The following MAGI1 variants were observed in gnomAD, a reference collection of about 807,000 sequenced individuals.
MAGI1 encodes the protein membrane associated guanylate kinase, WW and PDZ domain containing 1.
Under a neutral mutation model 139.9 loss-of-function variants are expected in MAGI1, and 58 were observed. The observed-to-expected ratio is 0.41, with a 90% confidence interval of 0.34 to 0.52. The LOEUF (loss-of-function observed/expected upper bound fraction) is 0.52. MAGI1 is among the 20% of genes least tolerant of loss of function. The pLI is 0.12. For synonymous variants in MAGI1, 812 were observed against 737.9 expected, an observed-to-expected ratio of 1.10 and a Z score of -1.63; for missense variants, 1,874 against 1,901.6, an observed-to-expected ratio of 0.99 and a Z score of 0.27.
intron 1 of MAGI1, among the ~76,000 whole-genome samples, chr3:65,765,356 C>A (rs1289139519): frequency 6.6e-6 from 1 of 152,162 alleles, no homozygotes; most frequent in African/African-American, 2.4e-5. Flanking sequence ...TAAGGCCAAG[C>A]ATTTGGTTGT....
chr3:65,890,238 G>T (rs1032106353), intron 1 of MAGI1, among the ~76,000 whole-genome samples: 1 of 152,084 alleles, frequency 6.6e-6, no homozygotes, highest in Non-Finnish European at 1.5e-5. Context: ...GGTGGCGGGC[G>T]CCTGCAGTCC....
In MAGI1 at chr3:65,808,530, A is replaced by C. The variant is rs1044157913; in HGVS notation, c.314-186442T>G. Among the ~76,000 whole-genome samples the C allele has an allele frequency of 2.0e-5, 3 of 152,144 alleles. No homozygotes were observed. In the South Asian group the frequency reaches 6.2e-4, roughly 32 times the overall value. Reference sequence around the variant, plus strand: ...CAAATAAATAAAATAAAAGTAAATAAATAAAATGAAACTGGTCTGACTGCT... The same window carrying C: ...CAAATAAATAAAATAAAAGTAAATACATAAAATGAAACTGGTCTGACTGCT... On this transcript the variant is annotated intron_variant, in intron 1 of 22. Transcript: ENST00000402939.
intron 8 of MAGI1, among the ~76,000 whole-genome samples, chr3:65,441,474 C>T (rs1948322316): frequency 6.6e-6 from 1 of 152,038 alleles, no homozygotes; most frequent in African/African-American, 2.4e-5. Context: ...AAATGGTCTA[C>T]CATTAACAGG....
intron 1 of MAGI1, among the ~76,000 whole-genome samples, chr3:65,664,942 T>A (rs567496133): frequency 6.6e-6 from 1 of 152,340 alleles, no homozygotes; most frequent in South Asian, 2.1e-4. Flanking sequence ...ATATGGCCTA[T>A]ATTTTTGCTT....
At chr3:65,932,512 T>C (rs2062851080) in intron 1 of MAGI1, among the ~76,000 whole-genome samples, 1 of 152,172 alleles carries the variant, frequency 6.6e-6, no homozygotes, top group African/African-American at 2.4e-5. Context: ...CGAACATATA[T>C]ATACCATCAA....
chr3:65,785,247 A>G (rs1318647061), intron 1 of MAGI1, among the ~76,000 whole-genome samples: 5 of 152,204 alleles, frequency 3.3e-5, no homozygotes, highest in Non-Finnish European at 7.3e-5. Flanking sequence ...AGAAGCATAT[A>G]TAACCACAAG....
At chr3:65,921,391 C>G (rs1287710289) in intron 1 of MAGI1, among the ~76,000 whole-genome samples, 1 of 151,478 alleles carries the variant, frequency 6.6e-6, no homozygotes, top group Non-Finnish European at 1.5e-5. Flanking sequence ...TTACTGCAAT[C>G]TCTGTGTCCC....
At chr3:65,425,450 T>C (rs549118907) in intron 12 of MAGI1, among the ~76,000 whole-genome samples, 1 of 152,252 alleles carries the variant, frequency 6.6e-6, no homozygotes, top group Admixed American at 6.5e-5. Context: ...TATACAACAA[T>C]AAGGTCATCC....
intron 1 of MAGI1, among the ~76,000 whole-genome samples, chr3:65,950,123 A>G: frequency 3.4e-5 from 1 of 29,282 alleles, no homozygotes; most frequent in South Asian, 2.8e-3. Context: ...TAGCAATATT[A>G]CTGTTTTTTT....
At chr3:65,641,469 G>A (rs1268262968) in intron 1 of MAGI1, among the ~76,000 whole-genome samples, 1 of 152,102 alleles carries the variant, frequency 6.6e-6, no homozygotes, top group African/African-American at 2.4e-5. Context: ...GTGTAGCCAG[G>A]GTTCTAAGCC....
chr3:65,660,224 C>A (rs1430395444), intron 1 of MAGI1, among the ~76,000 whole-genome samples: 20 of 152,200 alleles, frequency 1.3e-4, no homozygotes, highest in Admixed American at 1.3e-3. Flanking sequence ...CAAATATTCA[C>A]TAAGTGAGTG....
At chr3:65,469,779 A>C (rs1040090699) in intron 5 of MAGI1, 4 of 151,722 alleles carry the variant, frequency 2.6e-5, no homozygotes, top group Non-Finnish European at 5.9e-5. Context: ...AGCCAGACTT[A>C]GAGAAAATGC....
intron 1 of MAGI1, among the ~76,000 whole-genome samples, chr3:65,831,741 C>T (rs900843431): frequency 6.6e-6 from 1 of 152,142 alleles, no homozygotes; most frequent in African/African-American, 2.4e-5. Context: ...AGAGAATTTA[C>T]TTGTGTGAAT....
chr3:65,422,851 G>A (rs1424901935), intron 12 of MAGI1, among the ~76,000 whole-genome samples: 1 of 152,150 alleles, frequency 6.6e-6, no homozygotes, highest in African/African-American at 2.4e-5. Flanking sequence ...CAGACAGAAG[G>A]AGATGTAAGT....
At chr3:65,897,700 T>A (rs974682550) in intron 1 of MAGI1, among the ~76,000 whole-genome samples, 3 of 151,236 alleles carry the variant, frequency 2.0e-5, no homozygotes, top group Non-Finnish European at 4.4e-5. Flanking sequence ...CTCCACAAAA[T>A]TTTTTTTTAA....
chr3:65,527,052 C>T (rs1298373885), intron 2 of MAGI1, among the ~76,000 whole-genome samples: 1 of 152,202 alleles, frequency 6.6e-6, no homozygotes. Context: ...CTAAGATTCA[C>T]GTATCTTCTC....
chr3:65,726,430 G>A (rs952119804), intron 1 of MAGI1, among the ~76,000 whole-genome samples: 18 of 152,162 alleles, frequency 1.2e-4, no homozygotes, highest in African/African-American at 4.1e-4. Flanking sequence ...TCCTACAAAT[G>A]AGAAGTAGAT....
At chr3:65,798,345 A>G (rs1457086332) in intron 1 of MAGI1, among the ~76,000 whole-genome samples, 1 of 152,116 alleles carries the variant, frequency 6.6e-6, no homozygotes, top group Non-Finnish European at 1.5e-5. Flanking sequence ...ACACAGCCTC[A>G]GAAGCACTGA....
At chr3:65,451,854 C>G (rs1949050325) in intron 6 of MAGI1, among the ~76,000 whole-genome samples, 1 of 152,098 alleles carries the variant, frequency 6.6e-6, no homozygotes, top group African/African-American at 2.4e-5. Flanking sequence ...CACTACATTG[C>G]CCAGGCTGGT....
Sources: allele counts gnomAD v4.1 joint callset (sites outside exome capture counted in the v4.1 genomes callset), GRCh38; gene constraint gnomAD v4.1.1; transcripts MANE v1.5; gene names NCBI Gene and HGNC (gene_info 2026-07-23, HGNC 2026-07-21).